CFAP47: variants seen among roughly 807,000 people sequenced by gnomAD.
The protein encoded by CFAP47 is cilia and flagella associated protein 47.
A neutral mutation model predicts 148.1 loss-of-function variants in CFAP47; 29 were observed. The observed-to-expected ratio is 0.20, with a 90% CI of 0.15 to 0.27. CFAP47 has a LOEUF of 0.27. Ranked by LOEUF, CFAP47 falls within the 10% of genes least tolerant of loss-of-function variation. The pLI is 1.00. For missense variants in CFAP47, 1,872 were observed against 1,697.5 expected, an observed-to-expected ratio of 1.10 and a Z score of -1.81; for synonymous variants, 664 against 577.3, an observed-to-expected ratio of 1.15 and a Z score of -2.15.
chrX:35,966,049 T>C (rs1345588919), intron 8 of CFAP47, among the ~76,000 whole-genome samples: 1 of 109,647 alleles, frequency 9.1e-6, no homozygotes, highest in Non-Finnish European at 1.9e-5. Flanking sequence ...TTCTCTTTCC[T>C]CTTCTGGAGA....
chrX:35,922,272 T>A (rs1308268814), intron 1 of CFAP47, among the ~76,000 whole-genome samples: 1 of 112,345 alleles, frequency 8.9e-6, no homozygotes, highest in Non-Finnish European at 1.9e-5. Context: ...AAGTCTGTTA[T>A]TATTTTATCC....
chrX:36,284,861 T>C (rs1300113997), intron 50 of CFAP47, among the ~76,000 whole-genome samples: 1 of 111,353 alleles, frequency 9.0e-6, no homozygotes, highest in African/African-American at 3.3e-5. Context: ...AGCCATGACC[T>C]AGTTCAACAC....
At chrX:36,265,521 G>C (rs1264130983) in intron 49 of CFAP47, among the ~76,000 whole-genome samples, 1 of 111,807 alleles carries the variant, frequency 8.9e-6, no homozygotes, top group Non-Finnish European at 1.9e-5. Context: ...TGCCCATTCA[G>C]TATGATATTG....
At chrX:36,119,882 T>A (rs1319220013) in intron 33 of CFAP47, among the ~76,000 whole-genome samples, 1 of 111,902 alleles carries the variant, frequency 8.9e-6, no homozygotes, top group Non-Finnish European at 1.9e-5. Context: ...TCTTTTGAGT[T>A]GTTGTGGTAT....
chrX:35,992,785 A>C (rs1484869724), intron 17 of CFAP47, among the ~76,000 whole-genome samples: 2 of 111,518 alleles, frequency 1.8e-5, no homozygotes, highest in Non-Finnish European at 3.8e-5. Context: ...ACAAGAGATT[A>C]CTTCATCATC....
chrX:36,042,870 G>A (rs565091802), intron 25 of CFAP47, among the ~76,000 whole-genome samples: 150 of 111,428 alleles, frequency 1.3e-3, no homozygotes, highest in African/African-American at 4.6e-3. Context: ...CTCCCCAAGA[G>A]GAAGAAGAAT....
chrX:36,261,627 G>A (rs1225938083), intron 49 of CFAP47, among the ~76,000 whole-genome samples: 1 of 109,566 alleles, frequency 9.1e-6, no homozygotes, highest in Admixed American at 9.7e-5. Context: ...ATGTTTCAGA[G>A]AGCACATGGT....
Position 35,966,554 on chromosome X carries a change from T to C in CFAP47, c.1411-11T>C, listed in dbSNP as rs997537640. On this transcript the variant is annotated splice_polypyrimidine_tract_variant and intron_variant, in intron 8 of 63. Coordinates refer to ENST00000378653, the MANE Select transcript of CFAP47 (RefSeq NM_001304548.2). ...ATTTATTATTGGTTACTTTTCATCT[T>C]TTTTTTTTAGGATGTGATGTGTTCA... 2.0e-6 allele frequency: 2 copies of C among 999,857 alleles called. No individual in the cohort carries two copies. Among genetic ancestry groups the C allele is most frequent in the Non-Finnish European group, 1.3e-6 (1 of 775,186 alleles). 82.4% of individuals were successfully genotyped at this position (999,857 alleles called of 1,213,427 possible).
chrX:36,127,279 A>G (rs1448378218), intron 33 of CFAP47, among the ~76,000 whole-genome samples: 2 of 111,788 alleles, frequency 1.8e-5, no homozygotes, highest in African/African-American at 6.5e-5. Context: ...TATAAGGTAT[A>G]AGGAAGGGGT....
chrX:36,086,385 A>G (rs754455390), intron 30 of CFAP47, among the ~76,000 whole-genome samples: 109 of 111,853 alleles, frequency 9.7e-4, no homozygotes, highest in African/African-American at 3.3e-3. Context: ...TACAATTAAA[A>G]TGGCATTTAT....
At chrX:36,016,115 T>C (rs1288164611) in intron 22 of CFAP47, among the ~76,000 whole-genome samples, 1 of 110,770 alleles carries the variant, frequency 9.0e-6, no homozygotes, top group Non-Finnish European at 1.9e-5. Context: ...GGAGTATCCA[T>C]CCCATCAAGC....
chrX:36,285,711 G>C lies in CFAP47; in HGVS notation c.7671G>C (p.Met2557Ile). 8.7e-7 allele frequency: 1 copy of C among 1,154,240 alleles called. No homozygotes were observed. Among genetic ancestry groups the C allele is most frequent in the Non-Finnish European group, 1.2e-6 (1 of 862,041 alleles). Residue 2557 changes from methionine (M) to isoleucine (I), a missense_variant, in exon 51 of 64, where the codon ATG (methionine) becomes ATC (isoleucine). Transcript: ENST00000378653. ...GACCACCCATAGAGATTATGGAAAT[G>C]ACATGTATTGCTCTGGTAAGTGCCC... is the stretch of plus-strand genomic sequence containing the variant. Reference protein sequence around the residue: ...TPGPPIEIMEMTCIALDSTCI... With the variant: ...TPGPPIEIMEITCIALDSTCI...
chrX:36,115,242 AG>A (rs1020176248), intron 33 of CFAP47, among the ~76,000 whole-genome samples: 20 of 111,623 alleles, frequency 1.8e-4, no homozygotes, highest in Non-Finnish European at 3.0e-4. Flanking sequence ...TAGTAATTTA[AG>A]TCCTTTATTG....
At chrX:36,171,362 A>G (rs1939576118) in intron 39 of CFAP47, among the ~76,000 whole-genome samples, 1 of 111,116 alleles carries the variant, frequency 9.0e-6, no homozygotes, top group Non-Finnish European at 1.9e-5. Context: ...TTAGACATGA[A>G]GTCCTTGCCC....
intron 1 of CFAP47, among the ~76,000 whole-genome samples, chrX:35,925,207 C>T (rs1935718576): frequency 9.0e-6 from 1 of 110,578 alleles, no homozygotes; most frequent in Non-Finnish European, 1.9e-5. Flanking sequence ...CCCATCTCTA[C>T]TAAAAAATTA....
chrX:35,997,611 G>A (rs754619318), intron 19 of CFAP47, among the ~76,000 whole-genome samples: 25 of 111,613 alleles, frequency 2.2e-4, no homozygotes, highest in African/African-American at 7.4e-4. Context: ...ACCACTGAAT[G>A]TAAGGATCAG....
chrX:36,131,809 T>C (rs1051899652), intron 33 of CFAP47, among the ~76,000 whole-genome samples: 7 of 111,278 alleles, frequency 6.3e-5, no homozygotes, highest in African/African-American at 2.3e-4. Context: ...GACAAATCCA[T>C]AGTGACGGAA....
rs779417560 is a variant in CFAP47, at chrX:35,950,576, G to A, written c.657-555G>A. ...TGTTGTAGAGATAGGGTCTCACTGT[G>A]TGGCCTAGGCTCGTCTTGAACTCCT... On this transcript the variant is annotated intron_variant, in intron 4 of 63. Transcript: ENST00000378653. Among the ~76,000 whole-genome samples the A allele has an allele frequency of 3.6e-5, 4 of 110,568 alleles. No individual in the cohort carries two copies. In the Admixed American group the frequency reaches 3.9e-4, roughly 11 times the overall value.
At chrX:36,148,901 A>ATGTGTGTG (rs60968920) in intron 36 of CFAP47, among the ~76,000 whole-genome samples, 9,450 of 92,089 alleles carry the variant, frequency 0.1, 621 homozygotes, top group Admixed American at 0.19. Flanking sequence ...AACTGTATGT[A>ATGTGTGTG]TGTGTGTGTG....
Sources: allele counts gnomAD v4.1 joint callset (sites outside exome capture counted in the v4.1 genomes callset), GRCh38; gene constraint gnomAD v4.1.1; transcripts MANE v1.5; gene names NCBI Gene and HGNC (gene_info 2026-07-23, HGNC 2026-07-21).